Variants in SLC17A3 observed in about 807,000 individuals in gnomAD.
SLC17A3 encodes solute carrier family 17 member 3, also known as sodium-dependent phosphate transport protein 4.
In SLC17A3, 61 loss-of-function variants were observed where a neutral mutation model predicts 60.3. That is an observed-to-expected ratio of 1.01 (90% CI 0.82 to 1.25). The LOEUF is 1.25. Among genes scored for constraint, SLC17A3 ranks in the 50% most tolerant of loss-of-function variants. The pLI, the probability that SLC17A3 is intolerant of heterozygous loss-of-function variation, is 0.00. For synonymous variants in SLC17A3, 192 were observed against 208.9 expected (o/e 0.92, Z 0.70); for missense variants, 624 against 594.9 (o/e 1.05, Z -0.51).
In SLC17A3 at chr6:25,870,014, C is replaced by T. The variant is rs147141156; in HGVS notation, c.-33-1594G>A. On this transcript the variant is annotated intron_variant, in intron 1 of 12. Transcript: ENST00000397060. ...CACAATTTGTTTATCCATTTATTTA[C>T]CTTTTGATGAAAAACTGCATTGTTT... Among the ~76,000 whole-genome samples, 325 of 152,018 alleles carry T rather than the reference C, an allele frequency of 2.1e-3. 1 individual carries two copies. The Middle Eastern group carries it at 0.024, about 11-fold the overall frequency.
chr6:25,850,754 TG>T lies in SLC17A3; in HGVS notation c.831+4del. The T allele has an allele frequency of 6.2e-7, 1 of 1,611,094 alleles. No individual in the cohort carries two copies. Among genetic ancestry groups the T allele is most frequent in the Non-Finnish European group, 8.5e-7 (1 of 1,177,172 alleles). ...TCAGAAAAGTGTTGGTGTCTTTATA[TG>T]TACCTGTTGTTTCAAGGAGGATATG... On this transcript the variant is annotated splice_donor_region_variant and intron_variant, in intron 7 of 12. Coordinates refer to ENST00000397060, the MANE Select transcript of SLC17A3 (RefSeq NM_001098486.2).
chr6:25,862,587 A>G (rs1765471076), intron 2 of SLC17A3, 143 bp from the exon 3 acceptor site: 1 of 751,096 alleles, frequency 1.3e-6, no homozygotes, highest in African/African-American at 1.7e-5. Flanking sequence ...TTATGAAAGG[A>G]AGATACAAAA....
rs780001172 is a variant in SLC17A3 at position 25,868,403 on chromosome 6, C to G, written c.-16G>C. The G allele has an allele frequency of 1.6e-5, 25 of 1,604,288 alleles. 2 individuals carry two copies. The highest frequency in any genetic ancestry group is 1.2e-4 in the African/African-American group (9 of 74,578). On this transcript the variant is annotated 5_prime_UTR_variant, in exon 2 of 13. Coordinates refer to ENST00000397060, the MANE Select transcript of SLC17A3 (RefSeq NM_001098486.2). ...TGGTGGCCATTGTGTTTCTCCTCTC[C>G]TAGTGAATGGTTTTCACCTATCAGG...
intron 12 of SLC17A3, 33 bp from the exon 13 acceptor site, chr6:25,845,331 T>A: frequency 1.2e-6 from 2 of 1,609,814 alleles, no homozygotes; most frequent in African/African-American, 2.7e-5. Flanking sequence ...AATTTAAAAC[T>A]TCAGCTGCTT....
At chr6:25,864,457 A>G (rs912766946) in intron 2 of SLC17A3, among the ~76,000 whole-genome samples, 11 of 152,048 alleles carry the variant, frequency 7.2e-5, no homozygotes, top group African/African-American at 2.7e-4. Context: ...GATTAGGGTC[A>G]TGGCAGTAGC....
intron 6 of SLC17A3, among the ~76,000 whole-genome samples, chr6:25,852,610 A>T (rs912722909): frequency 3.3e-5 from 5 of 151,970 alleles, no homozygotes; most frequent in Non-Finnish European, 5.9e-5. Flanking sequence ...CATTAACTCC[A>T]TTCAGTGCAT....
chr6:25,855,322 C>A (rs778963585), intron 5 of SLC17A3, 92 bp from the exon 6 acceptor site: 4 of 855,808 alleles, frequency 4.7e-6, no homozygotes, highest in Non-Finnish European at 7.8e-6. Flanking sequence ...AGAGCAGTAG[C>A]TTTAAACCAT....
At chr6:25,870,497 G>A (rs1476667218) in intron 1 of SLC17A3, among the ~76,000 whole-genome samples, 1 of 151,956 alleles carries the variant, frequency 6.6e-6, no homozygotes, top group African/African-American at 2.4e-5. Flanking sequence ...GCTCTGCTTG[G>A]ATTGGAACAT....
chr6:25,855,797 A>G (rs1053083426), intron 5 of SLC17A3, among the ~76,000 whole-genome samples: 1 of 152,124 alleles, frequency 6.6e-6, no homozygotes, highest in Non-Finnish European at 1.5e-5. Flanking sequence ...TTCGCTTTTT[A>G]TTACTTTTTC....
Position 25,845,241 on chromosome 6 carries a change from A to G in SLC17A3, c.*60T>C. The G allele has an allele frequency of 2.2e-6, 2 of 924,662 alleles. No homozygotes were observed. Among genetic ancestry groups the G allele is most frequent in the Non-Finnish European group, 3.3e-6 (2 of 598,432 alleles). 57.3% of individuals were successfully genotyped at this position (924,662 alleles called of 1,614,324 possible). A position where few individuals can be genotyped will look rare whatever the true frequency, so the allele number is the denominator to read the frequency against. On this transcript the variant is annotated 3_prime_UTR_variant, in exon 13 of 13. Transcript: ENST00000397060. ...CTTTTCACTGGTATTTTCATCACGG[A>G]AGCCTTCTATTTTATGCAATACGGT...
chr6:25,866,136 A>T (rs550870450), intron 2 of SLC17A3, among the ~76,000 whole-genome samples: 1 of 152,074 alleles, frequency 6.6e-6, no homozygotes, highest in Non-Finnish European at 1.5e-5. Flanking sequence ...AATACGGCAA[A>T]GGTGATGGGA....
Position 25,861,701 on chromosome 6 carries a change from A to C in SLC17A3, c.548T>G (p.Leu183Arg). The C allele has an allele frequency of 6.2e-7, 1 of 1,613,968 alleles. No individual in the cohort carries two copies. The highest frequency in any genetic ancestry group is 8.5e-7 in the Non-Finnish European group (1 of 1,179,850). Residue 183 changes from leucine (L) to arginine (R), a missense_variant, in exon 5 of 13, where the codon CTT becomes CGT. Transcript: ENST00000397060. Reference sequence around the variant, plus strand: ...TTCCCAAATTGCAAACTGACCCCCAAGTATTGAGGACTGAAATTAAAATGA... The same window carrying C: ...TTCCCAAATTGCAAACTGACCCCCACGTATTGAGGACTGAAATTAAAATGA... The part of the protein sequence containing the change: ...IVQGLSQSSI[L>R]GGQFAIWEKW...
intron 6 of SLC17A3, among the ~76,000 whole-genome samples, chr6:25,853,975 G>C (rs902505357): frequency 5.9e-5 from 9 of 152,054 alleles, no homozygotes; most frequent in Admixed American, 5.2e-4. Context: ...CTCATTGGAA[G>C]TATGTTGCTA....
At chr6:25,847,336 A>G (rs959682837) in intron 11 of SLC17A3, among the ~76,000 whole-genome samples, 2 of 152,136 alleles carry the variant, frequency 1.3e-5, no homozygotes, top group African/African-American at 4.8e-5. Flanking sequence ...GGTTGATTCC[A>G]TGTCTTTTCC....
At chr6:25,847,257 T>C (rs1765190854) in intron 11 of SLC17A3, among the ~76,000 whole-genome samples, 1 of 152,198 alleles carries the variant, frequency 6.6e-6, no homozygotes. Flanking sequence ...TATGATCTCA[T>C]TCTGAATAGT....
intron 1 of SLC17A3, 136 bp from the exon 2 acceptor site, chr6:25,868,556 C>A: frequency 1.6e-6 from 1 of 634,958 alleles, no homozygotes; most frequent in Non-Finnish European, 2.8e-6. Flanking sequence ...TCATTATCCC[C>A]TCTTGGCTCA....
At chr6:25,861,547 T>C (rs1368115681) in intron 5 of SLC17A3, 77 bp downstream of exon 5, 2 of 1,081,594 alleles carry the variant, frequency 1.8e-6, no homozygotes, top group Admixed American at 1.7e-5. Context: ...TGAGGAACTA[T>C]GCAATGAAAA....
intron 5 of SLC17A3, among the ~76,000 whole-genome samples, chr6:25,857,117 A>C (rs1279257488): frequency 6.6e-6 from 1 of 151,880 alleles, no homozygotes; most frequent in Non-Finnish European, 1.5e-5. Flanking sequence ...AGAGCCTAGG[A>C]GTTCAAGGCT....
intron 2 of SLC17A3, among the ~76,000 whole-genome samples, chr6:25,862,950 G>A (rs1456101781): frequency 6.6e-6 from 1 of 151,224 alleles, no homozygotes; most frequent in Non-Finnish European, 1.5e-5. Flanking sequence ...TATATATTAT[G>A]TATAATATGT....
Sources: allele counts gnomAD v4.1 joint callset (sites outside exome capture counted in the v4.1 genomes callset), GRCh38; gene constraint gnomAD v4.1.1; transcripts MANE v1.5; gene names NCBI Gene and HGNC (gene_info 2026-07-23, HGNC 2026-07-21).